The following SV2C variants were observed in gnomAD, a reference collection of about 807,000 sequenced individuals.
SV2C encodes the protein solute carrier family 22 member B3.
SV2C carries 49 observed loss-of-function variants against 79.7 expected under a neutral mutation model. The ratio of observed to expected loss-of-function variants is 0.61; its 90% CI spans 0.49 to 0.78. The LOEUF is 0.78. SV2C is among the 30% of genes least tolerant of loss of function. The pLI, the probability that SV2C is intolerant of heterozygous loss-of-function variation, is 0.00. For synonymous variants in SV2C, 334 were observed against 333.2 expected (o/e 1.00, Z -0.03); for missense variants, 833 against 912.9 (o/e 0.91, Z 1.13).
At chr5:76,285,920 T>G (rs1339581390) in intron 6 of SV2C, 50 bp downstream of exon 6, 1 of 1,537,984 alleles carries the variant, frequency 6.5e-7, no homozygotes, top group Non-Finnish European at 8.9e-7. Context: ...GGGACATGTT[T>G]TCTGTCAAGG....
At chr5:75,889,678 T>C in the SV2C span, among the ~76,000 whole-genome samples, 4 of 152,148 alleles carry the variant, frequency 2.6e-5, no homozygotes, top group East Asian at 5.8e-4. Context: ...GGGTCAGGAC[T>C]TCAATGTATG....
At chr5:75,851,476 C>G in the SV2C span, among the ~76,000 whole-genome samples, 1 of 152,160 alleles carries the variant, frequency 6.6e-6, no homozygotes. Context: ...GGCTTTTTCG[C>G]CCATGGTAAC....
chr5:76,075,681 A>T, the SV2C span: 1 of 346,818 alleles, frequency 2.9e-6, no homozygotes, highest in South Asian at 2.5e-5. Flanking sequence ...AACTGACTAG[A>T]TTAGTAAAAG....
Position 76,120,167 on chromosome 5 carries a change from T to C in SV2C, c.-101-11483T>C, listed in dbSNP as rs112626232. 7.4e-3 allele frequency among the ~76,000 whole-genome samples: 1,131 copies of C among 152,220 alleles called. 11 individuals are homozygous for C. The highest frequency in any genetic ancestry group is 0.026 in the African/African-American group (1,088 of 41,534). ...GTGTCAAAAAATTTTAAAAAGAATC[T>C]ACCAGCACACATTTCATAAATCATC... On this transcript the variant is annotated intron_variant, in intron 1 of 12. Transcript: ENST00000502798.
chr5:76,315,729 T>C (rs1275328368), intron 12 of SV2C, among the ~76,000 whole-genome samples: 1 of 152,122 alleles, frequency 6.6e-6, no homozygotes, highest in Non-Finnish European at 1.5e-5. Context: ...TGAAATGAAT[T>C]AAGCTCTGTG....
chr5:75,848,825 G>A, the SV2C span, among the ~76,000 whole-genome samples: 5 of 152,146 alleles, frequency 3.3e-5, no homozygotes, highest in African/African-American at 2.4e-5. Context: ...GCTGTGGTTT[G>A]AATCCCTACT....
chr5:76,131,386 G>C (rs1748883991), intron 1 of SV2C, among the ~76,000 whole-genome samples: 1 of 151,972 alleles, frequency 6.6e-6, no homozygotes, highest in Non-Finnish European at 1.5e-5. Flanking sequence ...CCTGTGTACT[G>C]TTACCCTGGG....
At chr5:76,277,072 A>G (rs1747045293) in intron 4 of SV2C, among the ~76,000 whole-genome samples, 1 of 152,252 alleles carries the variant, frequency 6.6e-6, no homozygotes, top group Non-Finnish European at 1.5e-5. Flanking sequence ...CCTATAAGAA[A>G]GGCTAAAATT....
intron 2 of SV2C, among the ~76,000 whole-genome samples, chr5:76,184,932 C>T (rs1035171392): frequency 2.6e-5 from 4 of 152,182 alleles, no homozygotes; most frequent in African/African-American, 7.2e-5. Flanking sequence ...TCCAAAGTCT[C>T]ATCTGAGACA....
intron 9 of SV2C, among the ~76,000 whole-genome samples, chr5:76,296,323 T>G (rs1747756100): frequency 6.6e-6 from 1 of 152,140 alleles, no homozygotes; most frequent in Non-Finnish European, 1.5e-5. Flanking sequence ...TGAAATGTGA[T>G]TATATGAGTC....
chr5:76,336,225 G>A (rs191721), downstream of SV2C, among the ~76,000 whole-genome samples: 1 of 151,460 alleles, frequency 6.6e-6, no homozygotes, highest in East Asian at 2.0e-4. Flanking sequence ...GGTGGCTGCC[G>A]GGCGGAGGGG....
At chr5:75,957,691 T>C in the SV2C span, among the ~76,000 whole-genome samples, 1 of 152,048 alleles carries the variant, frequency 6.6e-6, no homozygotes, top group Admixed American at 6.6e-5. Flanking sequence ...ATATGGCAAG[T>C]ACACTGCTTT....
At chr5:75,875,960 C>T in the SV2C span, among the ~76,000 whole-genome samples, 1 of 152,112 alleles carries the variant, frequency 6.6e-6, no homozygotes. Context: ...AAAGGGAACA[C>T]TTACACACTG....
chr5:76,018,439 C>T, the SV2C span, among the ~76,000 whole-genome samples: 4 of 151,946 alleles, frequency 2.6e-5, no homozygotes, highest in South Asian at 4.1e-4. Flanking sequence ...CATGAATAAA[C>T]GTAAAGGGGT....
the SV2C span, among the ~76,000 whole-genome samples, chr5:75,940,666 G>A: frequency 6.6e-6 from 1 of 152,070 alleles, no homozygotes; most frequent in Non-Finnish European, 1.5e-5. Flanking sequence ...TATTAGAGTT[G>A]ACTTGTACCA....
chr5:75,847,563 T>C, the SV2C span, among the ~76,000 whole-genome samples: 1 of 152,246 alleles, frequency 6.6e-6, no homozygotes, highest in African/African-American at 2.4e-5. Flanking sequence ...CTTTGCCATT[T>C]CAAGTCCAAC....
intron 3 of SV2C, among the ~76,000 whole-genome samples, chr5:76,196,049 G>A (rs1396155369): frequency 5.3e-5 from 8 of 152,072 alleles, no homozygotes; most frequent in Admixed American, 1.3e-4. Flanking sequence ...TGAGGGAAAC[G>A]GGGCTGGGTT....
the SV2C span, among the ~76,000 whole-genome samples, chr5:75,879,620 T>A: frequency 1.3e-5 from 2 of 152,174 alleles, no homozygotes; most frequent in Non-Finnish European, 2.9e-5. Flanking sequence ...AGGATGCCAA[T>A]CACATGTCTG....
the SV2C span, among the ~76,000 whole-genome samples, chr5:75,863,732 C>T: frequency 1.7e-4 from 26 of 152,200 alleles, no homozygotes; most frequent in South Asian, 2.5e-3. Context: ...TTTTAAAGAC[C>T]GATGTTCCGA....
Sources: gnomAD v4.1 joint callset for allele counts (sites outside exome capture counted in the v4.1 genomes callset) on GRCh38, gnomAD v4.1.1 for gene constraint, MANE v1.5 for transcripts, NCBI Gene and HGNC (gene_info 2026-07-23, HGNC 2026-07-21) for gene names.